The following PUDP variants were observed in gnomAD, a reference collection of about 807,000 sequenced individuals.
The protein encoded by PUDP is pseudouridine 5'-phosphatase, also known as pseudouridine-5'-phosphatase.
A neutral mutation model predicts 9.4 loss-of-function variants in PUDP; 8 were observed. The observed-to-expected ratio is 0.85, with a 90% CI of 0.50 to 1.53. The LOEUF (loss-of-function observed/expected upper bound fraction) is 1.53, where lower values mean the gene tolerates loss of function less well. PUDP is among the 40% of genes most tolerant of loss of function. PUDP has a pLI of 0.00. For missense variants in PUDP, 188 were observed against 189.7 expected (o/e 0.99, Z 0.05); for synonymous variants, 99 against 80.7 (o/e 1.23, Z -1.22).
chrX:6,942,347 T>C (rs1178039064), intron 3 of PUDP, among the ~76,000 whole-genome samples: 1 of 112,113 alleles, frequency 8.9e-6, no homozygotes, highest in Non-Finnish European at 1.9e-5. Context: ...AGTAACAATT[T>C]GCTACATTTA....
At chrX:6,749,157 G>T (rs1925035557) in intron 3 of PUDP, among the ~76,000 whole-genome samples, 1 of 112,179 alleles carries the variant, frequency 8.9e-6, no homozygotes, top group Admixed American at 9.5e-5. Flanking sequence ...TAGAAAGAAA[G>T]ATTGTGTGCT....
chrX:6,946,777 T>A (rs956339500), intron 3 of PUDP, among the ~76,000 whole-genome samples: 1 of 111,850 alleles, frequency 8.9e-6, no homozygotes, highest in African/African-American at 3.2e-5. Context: ...CATTAAAAGT[T>A]TTGCTACACT....
chrX:6,834,255 T>C (rs1926549466), intron 3 of PUDP, among the ~76,000 whole-genome samples: 1 of 112,033 alleles, frequency 8.9e-6, no homozygotes, highest in Admixed American at 9.4e-5. Flanking sequence ...GCAATTACCA[T>C]ACTGCATGAA....
intron 1 of PUDP, among the ~76,000 whole-genome samples, chrX:7,016,411 T>C (rs1326967809): frequency 9.0e-6 from 1 of 111,143 alleles, no homozygotes; most frequent in Non-Finnish European, 1.9e-5. Flanking sequence ...CATGGGCCAC[T>C]TGGAGATGCT....
chrX:6,825,840 T>G (rs1484443590), intron 3 of PUDP, among the ~76,000 whole-genome samples: 2 of 111,360 alleles, frequency 1.8e-5, no homozygotes, highest in African/African-American at 6.5e-5. Context: ...CAGACCCACA[T>G]GTCAGAAACA....
At chrX:7,062,349 G>T (rs1930427381) in intron 3 of PUDP, among the ~76,000 whole-genome samples, 1 of 111,753 alleles carries the variant, frequency 8.9e-6, no homozygotes, top group African/African-American at 3.3e-5. Flanking sequence ...CCATTCACCA[G>T]GATTTGGAAG....
intron 3 of PUDP, among the ~76,000 whole-genome samples, chrX:6,896,067 G>A (rs747964924): frequency 1.1e-4 from 12 of 111,995 alleles, no homozygotes; most frequent in Admixed American, 9.5e-4. Context: ...GAACACAGAT[G>A]TTCAGATTAT....
chrX:6,891,558 C>T (rs978332513), intron 3 of PUDP, among the ~76,000 whole-genome samples: 22 of 112,480 alleles, frequency 2.0e-4, no homozygotes, highest in African/African-American at 7.1e-4. Context: ...TTTCTCCTCT[C>T]TGTCAGCCTG....
At chrX:6,887,101 T>C (rs1569117322) in intron 3 of PUDP, among the ~76,000 whole-genome samples, 2 of 98,913 alleles carry the variant, frequency 2.0e-5, no homozygotes, top group African/African-American at 7.1e-5. Context: ...TTATATATAA[T>C]ATATAATATA....
At chrX:6,722,319 C>T (rs1924683663), upstream of PUDP, among the ~76,000 whole-genome samples, 1 of 109,308 alleles carries the variant, frequency 9.1e-6, no homozygotes, top group Non-Finnish European at 1.9e-5. Flanking sequence ...GTGGCACGCG[C>T]CTGTAATCCC....
chrX:6,932,604 C>G (rs979564611), intron 3 of PUDP, among the ~76,000 whole-genome samples: 4 of 106,032 alleles, frequency 3.8e-5, no homozygotes, highest in African/African-American at 1.4e-4. Flanking sequence ...CACTAGGGAG[C>G]GCCAGACAGT....
intron 1 of PUDP, among the ~76,000 whole-genome samples, chrX:6,978,717 C>A (rs759013267): frequency 3.6e-5 from 4 of 112,562 alleles, no homozygotes; most frequent in Non-Finnish European, 7.5e-5. Flanking sequence ...AATATTTTTA[C>A]AGATAGGTAT....
chrX:7,043,787 T>C (rs1929952118), intron 1 of PUDP, among the ~76,000 whole-genome samples: 1 of 110,950 alleles, frequency 9.0e-6, no homozygotes, highest in African/African-American at 3.3e-5. Context: ...GACAAGAAAT[T>C]AAAGTGGAGA....
At chrX:6,775,550 AGGAGTGTAATTGCT>A (rs1247567608) in intron 3 of PUDP, among the ~76,000 whole-genome samples, 2 of 110,511 alleles carry the variant, frequency 1.8e-5, no homozygotes, top group Non-Finnish European at 3.8e-5. Flanking sequence ...AAATATGCCT[AGGAGTGTAATTGCT>A]GGTTCATATG....
chrX:6,902,778 T>C (rs1325831113), intron 3 of PUDP, among the ~76,000 whole-genome samples: 1 of 111,808 alleles, frequency 8.9e-6, no homozygotes. Context: ...GGGCCTGGTT[T>C]GCTTCAGTGT....
chrX:6,817,286 T>C (rs1464743393), intron 3 of PUDP, among the ~76,000 whole-genome samples: 2 of 110,184 alleles, frequency 1.8e-5, no homozygotes, highest in Non-Finnish European at 3.8e-5. Flanking sequence ...TTACCCAGGC[T>C]AGTCTCAAAC....
At chrX:6,977,732 C>T (rs1483520584) in intron 2 of PUDP, among the ~76,000 whole-genome samples, 1 of 112,254 alleles carries the variant, frequency 8.9e-6, no homozygotes, top group African/African-American at 3.2e-5. Flanking sequence ...AAAAGAGGCT[C>T]TACCAGCTGA....
intron 3 of PUDP, among the ~76,000 whole-genome samples, chrX:6,882,447 T>C (rs1927361484): frequency 8.9e-6 from 1 of 111,759 alleles, no homozygotes; most frequent in African/African-American, 3.3e-5. Flanking sequence ...CAGTCCCCTT[T>C]GAATGTCATG....
At chrX:6,949,574 A>G (rs999368668) in intron 3 of PUDP, among the ~76,000 whole-genome samples, 2 of 112,295 alleles carry the variant, frequency 1.8e-5, no homozygotes, top group Non-Finnish European at 3.8e-5. Flanking sequence ...TAATTGCTTA[A>G]TCTTTCTGCA....
Sources: gnomAD v4.1 joint callset for allele counts (sites outside exome capture counted in the v4.1 genomes callset) on GRCh38, gnomAD v4.1.1 for gene constraint, MANE v1.5 for transcripts, NCBI Gene and HGNC (gene_info 2026-07-23, HGNC 2026-07-21) for gene names.